The following GALNT13 variants were observed in gnomAD, a reference collection of about 807,000 sequenced individuals.
GALNT13 encodes the protein polypeptide N-acetylgalactosaminyltransferase 13.
In GALNT13, 28 loss-of-function variants were observed where a neutral mutation model predicts 64.2. The observed-to-expected ratio is 0.44, with a 90% confidence interval of 0.32 to 0.60. The LOEUF (loss-of-function observed/expected upper bound fraction) is 0.60, where lower values mean the gene tolerates loss of function less well. GALNT13 is among the 20% of genes least tolerant of loss of function. GALNT13 has a pLI of 0.05. For missense variants in GALNT13, 577 were observed against 669.8 expected, an observed-to-expected ratio of 0.86 and a Z score of 1.53; for synonymous variants, 214 against 224.6, an observed-to-expected ratio of 0.95 and a Z score of 0.42.
intron 2 of GALNT13, among the ~76,000 whole-genome samples, chr2:153,913,021 G>T (rs138644983): frequency 3.3e-5 from 5 of 152,270 alleles, no homozygotes; most frequent in Admixed American, 1.3e-4. Context: ...GGAGACAGGG[G>T]TCCTCCACTG....
chr2:153,171,166 G>C, the GALNT13 span, among the ~76,000 whole-genome samples: 8 of 152,174 alleles, frequency 5.3e-5, no homozygotes, highest in African/African-American at 1.7e-4. Flanking sequence ...TGGTCGTCTC[G>C]TTGCCTTTGC....
the GALNT13 span, among the ~76,000 whole-genome samples, chr2:153,447,109 G>T: frequency 6.6e-6 from 1 of 152,110 alleles, no homozygotes; most frequent in Non-Finnish European, 1.5e-5. Context: ...AAGTAAATAA[G>T]TCTTGTCGCC....
At chr2:153,615,461 A>T in the GALNT13 span, among the ~76,000 whole-genome samples, 1 of 152,044 alleles carries the variant, frequency 6.6e-6, no homozygotes, top group Non-Finnish European at 1.5e-5. Flanking sequence ...ACTGCTCTCT[A>T]TAGAAGTTAT....
At chr2:153,084,712 C>T in the GALNT13 span, among the ~76,000 whole-genome samples, 148 of 152,286 alleles carry the variant, frequency 9.7e-4, no homozygotes, top group South Asian at 1.9e-3. Flanking sequence ...TGCCTTCAGC[C>T]ATGATTGTGA....
rs751205543 is a variant in GALNT13, at chr2:154,245,919, G to A, written c.794G>A (p.Arg265His). The A allele has an allele frequency of 1.9e-6, 3 of 1,613,200 alleles. No individual in the cohort carries two copies. Among genetic ancestry groups the A allele is most frequent in the Non-Finnish European group, 2.5e-6 (3 of 1,179,394 alleles). ...GGTTTTAACTGGAAACTGAATTTCC[G>A]CTGGTATCCTGTTCCCCAAAGAGAA... ...YGGFNWKLNF[R>H]WYPVPQREMD... The change falls in exon 7 of 13, where the codon CGC becomes CAC. Residue 265 changes from arginine (R) to histidine (H), a missense_variant. Arg to His is a conservative substitution (Grantham distance 29). Coordinates refer to ENST00000392825, the MANE Select transcript of GALNT13 (RefSeq NM_052917.4).
chr2:153,441,996 T>C, the GALNT13 span, among the ~76,000 whole-genome samples: 6 of 152,236 alleles, frequency 3.9e-5, no homozygotes, highest in Admixed American at 2.6e-4. Flanking sequence ...TGAATAGAAG[T>C]GGTGAGAGAA....
chr2:153,549,622 C>T, the GALNT13 span, among the ~76,000 whole-genome samples: 4 of 152,226 alleles, frequency 2.6e-5, no homozygotes, highest in African/African-American at 7.2e-5. Flanking sequence ...CTTCCCTAAC[C>T]CTCACAGTGT....
At chr2:153,965,625 A>G (rs1331214784) in intron 3 of GALNT13, among the ~76,000 whole-genome samples, 1 of 151,734 alleles carries the variant, frequency 6.6e-6, no homozygotes, top group Non-Finnish European at 1.5e-5. Context: ...GTTTTTCTTT[A>G]TGGATACATA....
At chr2:154,232,787 T>C (rs1381820389) in intron 4 of GALNT13, among the ~76,000 whole-genome samples, 1 of 151,578 alleles carries the variant, frequency 6.6e-6, no homozygotes. Flanking sequence ...AATACTAGCA[T>C]TTTGGGAAGC....
the GALNT13 span, among the ~76,000 whole-genome samples, chr2:153,521,426 A>G: frequency 6.6e-6 from 1 of 152,222 alleles, no homozygotes; most frequent in Non-Finnish European, 1.5e-5. Flanking sequence ...ATTAAGAGGG[A>G]AGTACAGAGA....
At chr2:153,783,263 T>C in the GALNT13 span, among the ~76,000 whole-genome samples, 1 of 152,192 alleles carries the variant, frequency 6.6e-6, no homozygotes, top group Non-Finnish European at 1.5e-5. Flanking sequence ...TTTAGTATTA[T>C]AGTGGGAGAG....
chr2:154,125,780 A>G (rs1035783470), intron 3 of GALNT13, among the ~76,000 whole-genome samples: 1 of 152,216 alleles, frequency 6.6e-6, no homozygotes, highest in Non-Finnish European at 1.5e-5. Context: ...AAAGATGACC[A>G]GTAAGAATGG....
At chr2:154,083,582 T>G (rs2105420538) in intron 3 of GALNT13, among the ~76,000 whole-genome samples, 1 of 152,138 alleles carries the variant, frequency 6.6e-6, no homozygotes, top group South Asian at 2.1e-4. Context: ...TCCTCTATTA[T>G]TTCCTTGAGC....
chr2:153,095,473 A>G, the GALNT13 span, among the ~76,000 whole-genome samples: 2 of 152,202 alleles, frequency 1.3e-5, no homozygotes, highest in Non-Finnish European at 1.5e-5. Flanking sequence ...GTGGAAGACA[A>G]TGTGGCAATT....
intron 3 of GALNT13, among the ~76,000 whole-genome samples, chr2:153,999,331 G>T (rs558288961): frequency 6.6e-6 from 1 of 150,826 alleles, no homozygotes; most frequent in Non-Finnish European, 1.5e-5. Flanking sequence ...AATTGCTGTG[G>T]CTAAGACTCC....
At position 154,122,925 on chromosome 2, in the gene GALNT13, A is replaced by G. The variant is rs1315856597; in HGVS notation, c.143-17412A>G. Among the ~76,000 whole-genome samples, 5 of 151,964 alleles carry G rather than the reference A, an allele frequency of 3.3e-5. No individual in the cohort carries two copies. In the East Asian group the frequency reaches 9.6e-4, roughly 29 times the overall value. ...AACTAAAGACAAATTGAAAATCTTG[A>G]AGGCATCCAGGGGTGGGGGGTAAAT... On this transcript the variant is annotated intron_variant, in intron 3 of 12. Transcript: ENST00000392825.
chr2:153,185,722 A>G, the GALNT13 span, among the ~76,000 whole-genome samples: 1 of 152,156 alleles, frequency 6.6e-6, no homozygotes, highest in Non-Finnish European at 1.5e-5. Flanking sequence ...TTACCCAGGA[A>G]TCATTCAGAA....
intron 3 of GALNT13, among the ~76,000 whole-genome samples, chr2:153,953,331 C>T (rs558743246): frequency 6.6e-6 from 1 of 152,130 alleles, no homozygotes; most frequent in African/African-American, 2.4e-5. Flanking sequence ...ATAGTAATAA[C>T]ACAATAATAA....
chr2:154,297,410 G>A (rs1479238336), intron 8 of GALNT13, among the ~76,000 whole-genome samples: 1 of 152,148 alleles, frequency 6.6e-6, no homozygotes, highest in African/African-American at 2.4e-5. Context: ...CTGTGAGGAG[G>A]GAATTGAAGA....
Sources: allele counts gnomAD v4.1 joint callset (sites outside exome capture counted in the v4.1 genomes callset), GRCh38; gene constraint gnomAD v4.1.1; transcripts MANE v1.5; gene names NCBI Gene and HGNC (gene_info 2026-07-23, HGNC 2026-07-21).